MEAF6: variants seen among roughly 807,000 people sequenced by gnomAD.
MEAF6 encodes MYST/Esa1 associated factor 6.
In MEAF6, 15 loss-of-function variants were observed where a neutral mutation model predicts 28.9. The ratio of observed to expected loss-of-function variants is 0.52; its 90% confidence interval spans 0.35 to 0.80. The LOEUF is 0.80. Among genes scored for constraint, MEAF6 ranks in the 30% least tolerant of loss-of-function variants. MEAF6 has a pLI of 0.01. For missense variants in MEAF6, 178 were observed against 237.5 expected (o/e 0.75, Z 1.65); for synonymous variants, 97 against 88.7 (o/e 1.09, Z -0.53).
At position 37,492,354 on chromosome 1, in the gene MEAF6, G is replaced by T. The variant is rs1641964071; in HGVS notation, c.*1745C>A. Among the ~76,000 whole-genome samples, 1 of 151,922 alleles carries T rather than the reference G, an allele frequency of 6.6e-6. No individual in the cohort carries two copies. The highest frequency in any genetic ancestry group is 1.5e-5 in the Non-Finnish European group (1 of 68,002). ...AAGAGTCAAAAATATTTTAAGGTCT[G>T]CTGTGTGCTTTCCCCAAAAGGAAGG... On this transcript the variant is annotated 3_prime_UTR_variant, in exon 7 of 7. Transcript: ENST00000296214.
chr1:37,499,869 A>G (rs1431670634), intron 5 of MEAF6, among the ~76,000 whole-genome samples: 2 of 152,230 alleles, frequency 1.3e-5, no homozygotes, highest in African/African-American at 4.8e-5. Context: ...CCAGCTAATA[A>G]CATCATTAGT....
intron 2 of MEAF6, among the ~76,000 whole-genome samples, chr1:37,512,961 C>A (rs1004564897): frequency 6.6e-6 from 1 of 152,000 alleles, no homozygotes; most frequent in African/African-American, 2.4e-5. Flanking sequence ...GAGGCCAAGG[C>A]AGCAGATCAC....
intron 5 of MEAF6, among the ~76,000 whole-genome samples, chr1:37,497,231 T>G (rs1329249430): frequency 1.0e-5 from 1 of 95,750 alleles, no homozygotes; most frequent in African/African-American, 3.2e-5. Flanking sequence ...TATATGGGTT[T>G]GTTTGTTTGT....
chr1:37,502,138 ATACATGTTGACAGAGAAG>A (rs1642328359), intron 4 of MEAF6, 142 bp from the exon 5 acceptor site: 3 of 490,870 alleles, frequency 6.1e-6, no homozygotes, highest in Non-Finnish European at 1.1e-5. Context: ...GACAGAGAAG[ATACATGTTGACAGAGAAG>A]ATACATACAA....
At chr1:37,509,068 G>A (rs143126138) in intron 4 of MEAF6, among the ~76,000 whole-genome samples, 43 of 152,328 alleles carry the variant, frequency 2.8e-4, no homozygotes, top group African/African-American at 1.0e-3. Flanking sequence ...CTGTACTCCA[G>A]CTTGGGCTAT....
rs1485702526 is a variant in MEAF6 at position 37,502,552 on chromosome 1, T to C, written c.341-556A>G. Among the ~76,000 whole-genome samples the C allele has an allele frequency of 4.0e-5, 5 of 125,998 alleles. No homozygotes were observed. The East Asian group carries it at 1.3e-3, about 34-fold the overall frequency. 82.7% of individuals were successfully genotyped at this position (125,998 alleles called of 152,430 possible). ...CTCTGATAAGTTTTCCATTGTTTTT[T>C]CTTGTTTTTTTTTTGTTTGTTTGTT... is the stretch of plus-strand genomic sequence containing the variant. On this transcript the variant is annotated intron_variant, in intron 4 of 6. Coordinates refer to ENST00000296214, the MANE Select transcript of MEAF6 (RefSeq NM_001270875.3).
intron 4 of MEAF6, among the ~76,000 whole-genome samples, chr1:37,506,984 G>C (rs1001860278): frequency 2.0e-5 from 3 of 152,218 alleles, no homozygotes; most frequent in African/African-American, 7.2e-5. Context: ...GCCATATACT[G>C]AATGATCAGC....
At chr1:37,510,056 C>T (rs1003896459) in intron 2 of MEAF6, among the ~76,000 whole-genome samples, 1 of 151,320 alleles carries the variant, frequency 6.6e-6, no homozygotes, top group Non-Finnish European at 1.5e-5. Context: ...GGATTACAGG[C>T]ATGAGCCACC....
rs12144938 is a variant in MEAF6, at chr1:37,492,850, C to G, written c.*1249G>C. The G allele has an allele frequency of 0.13, 19,865 of 152,280 alleles. 1,592 individuals carry two copies. The highest frequency in any genetic ancestry group is 0.17 in the South Asian group (842 of 4,826). The allele number at this position is 152,280 out of a possible 1,614,324, so 9.4% of individuals were successfully genotyped here. On this transcript the variant is annotated 3_prime_UTR_variant, in exon 7 of 7. Coordinates refer to ENST00000296214, the MANE Select transcript of MEAF6 (RefSeq NM_001270875.3). ...AGTCTTCTAATGTAGTGGTTCTCAA[C>G]CTGGCTTCTTATCAGAATCCCAGGA...
Position 37,493,586 on chromosome 1 carries a change from T to C in MEAF6, c.*513A>G, listed in dbSNP as rs955361018. 9.8e-6 allele frequency: 6 copies of C among 610,650 alleles called. No individual in the cohort carries two copies. The highest frequency in any genetic ancestry group is 3.4e-5 in the Admixed American group (1 of 29,746). The allele number at this position is 610,650 out of a possible 1,614,324, so 37.8% of individuals were successfully genotyped here. A position where few individuals can be genotyped will look rare whatever the true frequency, so the allele number is the denominator to read the frequency against. ...ATGATCAGATATGTCAGCAGGAAAGTATGAGCTGTACAAAGGCATTACAAA... is the reference window on the plus strand; with the variant it reads ...ATGATCAGATATGTCAGCAGGAAAGCATGAGCTGTACAAAGGCATTACAAA... On this transcript the variant is annotated 3_prime_UTR_variant, in exon 7 of 7. Coordinates refer to ENST00000296214, the MANE Select transcript of MEAF6 (RefSeq NM_001270875.3).
chr1:37,501,843 T>C lies in MEAF6; in HGVS notation c.494A>G (p.His165Arg). 4 of 1,603,116 alleles carry C rather than the reference T, an allele frequency of 2.5e-6. No homozygotes were observed. Among genetic ancestry groups the C allele is most frequent in the Non-Finnish European group, 3.4e-6 (4 of 1,171,892 alleles). The change falls in exon 5 of 7, where the codon CAC becomes CGC. Residue 165 changes from histidine to arginine, a missense_variant. By Grantham distance (29) the His-to-Arg change is conservative (BLOSUM62 0). Coordinates refer to ENST00000296214, the MANE Select transcript of MEAF6 (RefSeq NM_001270875.3). ...AASSTSSGSH[H>R]SSHKKRKNKN... ...ATTCTTTCGCTTTTTATGGCTGCTGTGGTGACTCCCTGAGGAAGTAGAAGA... is the reference window on the plus strand; with the variant it reads ...ATTCTTTCGCTTTTTATGGCTGCTGCGGTGACTCCCTGAGGAAGTAGAAGA...
At chr1:37,509,859 C>T (rs991728326) in intron 2 of MEAF6, among the ~76,000 whole-genome samples, 22 of 152,188 alleles carry the variant, frequency 1.4e-4, no homozygotes, top group Admixed American at 9.2e-4. Flanking sequence ...TCATTGCAAC[C>T]TCTGCCCCTT....
In MEAF6 at chr1:37,492,318, G is replaced by A. The variant is rs192418576; in HGVS notation, c.*1781C>T. On this transcript the variant is annotated 3_prime_UTR_variant, in exon 7 of 7. Transcript: ENST00000296214. ...GCTGGGATTACAGGTGTGAGCCACC[G>A]CACCCAGCCCAAGAGTCAAAAATAT... Among the ~76,000 whole-genome samples the A allele has an allele frequency of 1.2e-4, 18 of 151,394 alleles. No individual in the cohort carries two copies. Among genetic ancestry groups the A allele is most frequent in the African/African-American group, 3.6e-4 (15 of 41,284 alleles).
In MEAF6 at chr1:37,492,590, A is replaced by G. The variant is rs1177133086; in HGVS notation, c.*1509T>C. 1 of 152,024 alleles carries G rather than the reference A, an allele frequency of 6.6e-6. No individual in the cohort carries two copies. Among genetic ancestry groups the G allele is most frequent in the East Asian group, 1.9e-4 (1 of 5,198 alleles). 9.4% of individuals were successfully genotyped at this position (152,024 alleles called of 1,614,324 possible). A position where few individuals can be genotyped will look rare whatever the true frequency, so the allele number is the denominator to read the frequency against. On this transcript the variant is annotated 3_prime_UTR_variant, in exon 7 of 7. Transcript: ENST00000296214. Reference sequence around the variant, plus strand: ...AAAAAAAAAAAAAAAAACCCACAAAAGTTTATTTGAGAACAAGAGTGAAAG... The same window carrying G: ...AAAAAAAAAAAAAAAAACCCACAAAGGTTTATTTGAGAACAAGAGTGAAAG...
intron 5 of MEAF6, among the ~76,000 whole-genome samples, chr1:37,499,509 G>A (rs868582930): frequency 3.3e-5 from 5 of 152,130 alleles, no homozygotes; most frequent in South Asian, 2.1e-4. Context: ...TTAACTGACC[G>A]CTCGTGTGCC....
chr1:37,508,609 T>C (rs185531334), intron 4 of MEAF6, among the ~76,000 whole-genome samples: 1 of 152,254 alleles, frequency 6.6e-6, no homozygotes, highest in Non-Finnish European at 1.5e-5. Flanking sequence ...CTAAGAATTA[T>C]TAAATTGGGT....
chr1:37,511,984 A>G (rs1172926524), intron 2 of MEAF6, among the ~76,000 whole-genome samples: 2 of 150,388 alleles, frequency 1.3e-5, no homozygotes, highest in African/African-American at 2.4e-5. Context: ...CTGGTTAGGT[A>G]GAAGAAATGG....
Position 37,490,808 on chromosome 1 carries a change from C to G in MEAF6, c.*3291G>C, listed in dbSNP as rs1397637559. Among the ~76,000 whole-genome samples, 1 of 151,694 alleles carries G rather than the reference C, an allele frequency of 6.6e-6. No individual in the cohort carries two copies. The highest frequency in any genetic ancestry group is 1.5e-5 in the Non-Finnish European group (1 of 67,962). Reference sequence around the variant, plus strand: ...TTGGGAGGCTGAGGCAGGTGGATTACGAAGTCAGGAGTTTGAGTCCAGCCT... The same window carrying G: ...TTGGGAGGCTGAGGCAGGTGGATTAGGAAGTCAGGAGTTTGAGTCCAGCCT... On this transcript the variant is annotated 3_prime_UTR_variant, in exon 7 of 7. Coordinates refer to ENST00000296214, the MANE Select transcript of MEAF6 (RefSeq NM_001270875.3).
intron 1 of MEAF6, chr1:37,513,819 G>C: frequency 1.9e-6 from 1 of 514,634 alleles, no homozygotes; most frequent in Non-Finnish European, 3.5e-6. Flanking sequence ...GAAACCATGA[G>C]TCAAGAGCCC....
Sources: allele counts gnomAD v4.1 joint callset (sites outside exome capture counted in the v4.1 genomes callset), GRCh38; gene constraint gnomAD v4.1.1; transcripts MANE v1.5; gene names NCBI Gene and HGNC (gene_info 2026-07-23, HGNC 2026-07-21).